Variants in CFAP298 observed in about 807,000 individuals in gnomAD.
The protein encoded by CFAP298 is cilia- and flagella-associated protein 298.
CFAP298 carries 38 observed loss-of-function variants against 41.0 expected under a neutral mutation model. The observed-to-expected ratio is 0.93, with a 90% CI of 0.72 to 1.22. The LOEUF (loss-of-function observed/expected upper bound fraction) is 1.22. Ranked by LOEUF, CFAP298 falls within the 50% of genes most tolerant of loss-of-function variation. The probability of loss-of-function intolerance (pLI) is 0.00; values close to 1 mark genes in which losing one functional copy is unlikely to be tolerated. For synonymous variants in CFAP298, 137 were observed against 135.3 expected (o/e 1.01, Z -0.09); for missense variants, 348 against 360.3 (o/e 0.97, Z 0.28).
rs903762853 is a variant in CFAP298 at position 32,599,364 on chromosome 21, T to C, written c.*2499A>G. 6.6e-6 allele frequency among the ~76,000 whole-genome samples: 1 copy of C among 152,142 alleles called. No homozygotes were observed. Among genetic ancestry groups the C allele is most frequent in the Non-Finnish European group, 1.5e-5 (1 of 68,028 alleles). On this transcript the variant is annotated 3_prime_UTR_variant, in exon 7 of 7. Coordinates refer to ENST00000290155, the MANE Select transcript of CFAP298 (RefSeq NM_021254.4). ...TGATGGTCGAAAAGGTTTTAGGTGG[T>C]ATCAAATTTTATTACTAGCATTCCT...
In CFAP298 at chr21:32,603,235, G is replaced by A. The variant is rs1364200773; in HGVS notation, c.592C>T (p.Leu198=). ...TCTGAAAGCTTCTTCGTTCTTCTCA[G>A]CTCCTTGGCTGCCCACCACAGCTGC... ...EAQLWWAAKE[L]RRTKKLSDYV... The change falls in exon 5 of 7, where the codon CTG becomes TTG. Residue 198 remains leucine, a synonymous_variant. Coordinates refer to ENST00000290155, the MANE Select transcript of CFAP298 (RefSeq NM_021254.4). The A allele has an allele frequency of 1.2e-5, 19 of 1,614,020 alleles. No individual in the cohort carries two copies. In the Admixed American group the frequency reaches 2.2e-4, roughly 18 times the overall value.
intron 5 of CFAP298, chr21:32,602,794 C>T: frequency 7.4e-7 from 1 of 1,354,412 alleles, no homozygotes; most frequent in Non-Finnish European, 9.5e-7. Flanking sequence ...GGTCTCGAAC[C>T]TTTCCTCCTC....
At chr21:32,610,037 C>T in intron 1 of CFAP298, 32 bp from the exon 2 acceptor site, 1 of 1,567,832 alleles carries the variant, frequency 6.4e-7, no homozygotes, top group Non-Finnish European at 8.7e-7. Context: ...GTATCACAAT[C>T]ATAACACCTC....
At position 32,602,352 on chromosome 21, in the gene CFAP298, G is replaced by C; in HGVS notation, c.682C>G (p.Pro228Ala). Residue 228 changes from proline to alanine, a missense_variant, in exon 6 of 7, where the codon CCA becomes GCA. Physicochemically the swap from Pro to Ala is conservative, Grantham distance 27. Transcript: ENST00000290155. ...CTGCTAATAATAGGCTCTCGGGCTGGAGCTCCCTGTCCCCTCTGCAAAGAG... is the reference window on the plus strand; with the variant it reads ...CTGCTAATAATAGGCTCTCGGGCTGCAGCTCCCTGTCCCCTCTGCAAAGAG... ...AKIQQRGQGA[P>A]AREPIISSEE... 6.2e-7 allele frequency: 1 copy of C among 1,613,462 alleles called. No homozygotes were observed. Among genetic ancestry groups the C allele is most frequent in the Non-Finnish European group, 8.5e-7 (1 of 1,180,002 alleles).
chr21:32,603,339 G>T, intron 4 of CFAP298, 47 bp from the exon 5 acceptor site: 1 of 1,607,702 alleles, frequency 6.2e-7, no homozygotes, highest in Non-Finnish European at 8.5e-7. Context: ...CCCACCCAGG[G>T]GGCAGAGCCC....
intron 3 of CFAP298, among the ~76,000 whole-genome samples, chr21:32,605,389 G>A (rs766588016): frequency 2.6e-5 from 4 of 152,184 alleles, no homozygotes; most frequent in African/African-American, 4.8e-5. Context: ...TGCTAATACA[G>A]TAACCTGTAG....
chr21:32,603,913 T>C (rs2038808681), intron 4 of CFAP298, among the ~76,000 whole-genome samples: 1 of 152,186 alleles, frequency 6.6e-6, no homozygotes, highest in Non-Finnish European at 1.5e-5. Flanking sequence ...CTGCGTCCAC[T>C]GCCTCCTGTG....
intron 6 of CFAP298, 124 bp downstream of exon 6, chr21:32,602,148 G>T: frequency 1.0e-6 from 1 of 991,120 alleles, no homozygotes; most frequent in Non-Finnish European, 1.6e-6. Flanking sequence ...CCTGCAGACA[G>T]AAGCTCTAGA....
At chr21:32,607,594 C>CAAAAA in intron 3 of CFAP298, 55 bp downstream of exon 3, 16 of 825,204 alleles carry the variant, frequency 1.9e-5, no homozygotes, top group South Asian at 5.1e-5. Context: ...ATTCCATCTC[C>CAAAAA]AAAAAAAAAA....
chr21:32,602,762 G>GCGCT (rs1160507090), intron 5 of CFAP298: 4 of 1,308,226 alleles, frequency 3.1e-6, no homozygotes, highest in Non-Finnish European at 3.9e-6. Context: ...TCAGGTTACA[G>GCGCT]CGCTACACGA....
chr21:32,611,619 G>GC (rs1350190254), intron 1 of CFAP298, among the ~76,000 whole-genome samples: 2 of 151,836 alleles, frequency 1.3e-5, no homozygotes, highest in Non-Finnish European at 2.9e-5. Flanking sequence ...GCGCCGCAAC[G>GC]CAACAGGCCG....
In CFAP298 at chr21:32,601,453, A is replaced by G. The variant is rs2038734693; in HGVS notation, c.*410T>C. Reference sequence around the variant, plus strand: ...GCTGGGACTACAGGCGCCTGCCACCATGCCCGGCTAATTTTTTGTATTTTT... The same window carrying G: ...GCTGGGACTACAGGCGCCTGCCACCGTGCCCGGCTAATTTTTTGTATTTTT... On this transcript the variant is annotated 3_prime_UTR_variant, in exon 7 of 7. Coordinates refer to ENST00000290155, the MANE Select transcript of CFAP298 (RefSeq NM_021254.4). 6.6e-6 allele frequency among the ~76,000 whole-genome samples: 1 copy of G among 151,726 alleles called. No individual in the cohort carries two copies. The highest frequency in any genetic ancestry group is 6.6e-5 in the Admixed American group (1 of 15,246).
At chr21:32,603,336 A>T (rs754567816) in intron 4 of CFAP298, 44 bp from the exon 5 acceptor site, 6 of 1,609,626 alleles carry the variant, frequency 3.7e-6, no homozygotes, top group Non-Finnish European at 5.1e-6. Flanking sequence ...GTTCCCACCC[A>T]GGGGGCAGAG....
Position 32,601,770 on chromosome 21 carries a change from G to A in CFAP298, c.*93C>T, listed in dbSNP as rs1206374830. The A allele has an allele frequency of 4.4e-6, 3 of 680,166 alleles. No individual in the cohort carries two copies. Among genetic ancestry groups the A allele is most frequent in the Non-Finnish European group, 7.8e-6 (3 of 384,738 alleles). The allele number at this position is 680,166 out of a possible 1,614,324, so 42.1% of individuals were successfully genotyped here. ...TAGAAATGTTAACATCTTTTACAGAGGGCAGTAAGTGGCCTTTTTTTTTTT... is the reference window on the plus strand; with the variant it reads ...TAGAAATGTTAACATCTTTTACAGAAGGCAGTAAGTGGCCTTTTTTTTTTT... On this transcript the variant is annotated 3_prime_UTR_variant, in exon 7 of 7. Transcript: ENST00000290155.
In CFAP298 at chr21:32,602,807, C is replaced by G. The variant is rs981393324; in HGVS notation, c.666+354G>C. On this transcript the variant is annotated intron_variant, in intron 5 of 6. Coordinates refer to ENST00000290155, the MANE Select transcript of CFAP298 (RefSeq NM_021254.4). ...AAGGTCTCGAACCTTTCCTCCTCCCCCTCCTGTACACAGCATCAGCAGTTT... is the reference window on the plus strand; with the variant it reads ...AAGGTCTCGAACCTTTCCTCCTCCCGCTCCTGTACACAGCATCAGCAGTTT... 7 of 1,370,314 alleles carry G rather than the reference C, an allele frequency of 5.1e-6. No homozygotes were observed. In the East Asian group the frequency reaches 1.2e-4, roughly 23 times the overall value. 84.9% of individuals were successfully genotyped at this position (1,370,314 alleles called of 1,614,324 possible).
At chr21:32,602,436 C>T (rs2038764808) in intron 5 of CFAP298, 69 bp from the exon 6 acceptor site, 1 of 1,556,592 alleles carries the variant, frequency 6.4e-7, no homozygotes, top group African/African-American at 1.4e-5. Context: ...GAAGTTACAA[C>T]AAATGTTTTA....
intron 5 of CFAP298, chr21:32,602,690 C>A: frequency 4.8e-6 from 6 of 1,240,924 alleles, no homozygotes; most frequent in Non-Finnish European, 6.1e-6. Context: ...AGGTGGAGGG[C>A]CCCATTTCCC....
At chr21:32,603,426 T>C in intron 4 of CFAP298, 134 bp from the exon 5 acceptor site, 1 of 821,920 alleles carries the variant, frequency 1.2e-6, no homozygotes, top group East Asian at 2.6e-5. Flanking sequence ...CTCCCGCACC[T>C]CACTCTAAGT....
rs1470481281 is a variant in CFAP298 at position 32,600,088 on chromosome 21, A to G, written c.*1775T>C. ...TTAACTGTTTCTTACAAGTCTGAGC[A>G]TGAATTTAACACACACGAACTATAC... On this transcript the variant is annotated 3_prime_UTR_variant, in exon 7 of 7. Transcript: ENST00000290155. Among the ~76,000 whole-genome samples, 1 of 152,242 alleles carries G rather than the reference A, an allele frequency of 6.6e-6. No homozygotes were observed. Among genetic ancestry groups the G allele is most frequent in the Non-Finnish European group, 1.5e-5 (1 of 68,044 alleles).
Sources: allele counts gnomAD v4.1 joint callset (sites outside exome capture counted in the v4.1 genomes callset), GRCh38; gene constraint gnomAD v4.1.1; transcripts MANE v1.5; gene names NCBI Gene and HGNC (gene_info 2026-07-23, HGNC 2026-07-21).